FBLN7: variants seen among roughly 807,000 people sequenced by gnomAD.
FBLN7 encodes fibulin-7.
In FBLN7, 31 loss-of-function variants were observed where a neutral mutation model predicts 44.0. That is an observed-to-expected ratio of 0.70 (90% CI 0.53 to 0.95). The LOEUF (loss-of-function observed/expected upper bound fraction) is 0.95, where lower values mean the gene tolerates loss of function less well. FBLN7 is among the 40% of genes least tolerant of loss of function. The pLI is 0.00. For missense variants in FBLN7, 573 were observed against 618.5 expected, an observed-to-expected ratio of 0.93 and a Z score of 0.78; for synonymous variants, 262 against 253.4, an observed-to-expected ratio of 1.03 and a Z score of -0.32.
the FBLN7 span, among the ~76,000 whole-genome samples, chr2:112,236,089 C>A: frequency 1.3e-5 from 2 of 151,974 alleles, no homozygotes; most frequent in African/African-American, 4.8e-5. Context: ...CATGGCGAAA[C>A]CCTGTCTCTA....
At chr2:112,207,844 T>C in the FBLN7 span, among the ~76,000 whole-genome samples, 1 of 152,296 alleles carries the variant, frequency 6.6e-6, no homozygotes, top group Non-Finnish European at 1.5e-5. Flanking sequence ...TTTTGTTTAA[T>C]GTTTGCATGT....
chr2:112,160,681 C>T (rs1329571292), intron 2 of FBLN7, among the ~76,000 whole-genome samples: 2 of 144,132 alleles, frequency 1.4e-5, no homozygotes, highest in African/African-American at 5.3e-5. Flanking sequence ...CACACGCAGA[C>T]GCACGCACAC....
chr2:112,231,787 A>T, the FBLN7 span: 1 of 1,203,476 alleles, frequency 8.3e-7, no homozygotes, highest in Non-Finnish European at 1.2e-6. Context: ...CTTAGTTCAA[A>T]CATATTCCTT....
chr2:112,198,745 TC>T, the FBLN7 span, among the ~76,000 whole-genome samples: 2 of 152,150 alleles, frequency 1.3e-5, no homozygotes, highest in Non-Finnish European at 2.9e-5. Flanking sequence ...ATGAAACAGG[TC>T]CTCACCAGAC....
At chr2:112,234,234 A>G in the FBLN7 span, 3 of 1,588,984 alleles carry the variant, frequency 1.9e-6, no homozygotes, top group Non-Finnish European at 2.6e-6. Flanking sequence ...TAGGTTTACC[A>G]TCCTTTAAAA....
the FBLN7 span, among the ~76,000 whole-genome samples, chr2:112,200,640 T>A: frequency 6.6e-6 from 1 of 152,186 alleles, no homozygotes; most frequent in Non-Finnish European, 1.5e-5. Flanking sequence ...ATTCAAGCTA[T>A]TCTCCTGCCT....
intron 6 of FBLN7, among the ~76,000 whole-genome samples, chr2:112,184,280 G>T (rs552614401): frequency 2.0e-5 from 3 of 152,360 alleles, no homozygotes; most frequent in African/African-American, 7.2e-5. Context: ...AACGGGAGAA[G>T]AGAGGGCAGA....
At position 112,165,076 on chromosome 2, in the gene FBLN7, A is replaced by C. The variant is rs1317326316; in HGVS notation, c.311A>C (p.His104Pro). 6.2e-7 allele frequency: 1 copy of C among 1,614,084 alleles called. No individual in the cohort carries two copies. The highest frequency in any genetic ancestry group is 1.7e-5 in the Admixed American group (1 of 60,012). ...AAGTACTTAGTGGATCACGAAGTCC[A>C]TTTTACCTGCAACCCTGGGTTCCGG... is the stretch of plus-strand genomic sequence containing the variant. ...GSKYLVDHEV[H>P]FTCNPGFRLV... The change falls in exon 3 of 8, where the codon CAT becomes CCT. Residue 104 changes from histidine to proline, a missense_variant. Transcript: ENST00000331203.
the FBLN7 span, among the ~76,000 whole-genome samples, chr2:112,233,652 G>C: frequency 6.6e-6 from 1 of 152,090 alleles, no homozygotes; most frequent in Non-Finnish European, 1.5e-5. Flanking sequence ...CGGATCATGA[G>C]GTCAGGAGAT....
In FBLN7 at chr2:112,171,886, A is replaced by G. The variant is rs574375241; in HGVS notation, c.407-3828A>G. ...CTCAGCCTCCCGAGTAGCTGGGACT[A>G]CAGGTGCCCGCCACCATACCCGGCT... On this transcript the variant is annotated intron_variant, in intron 3 of 7. Transcript: ENST00000331203. Among the ~76,000 whole-genome samples the G allele has an allele frequency of 3.7e-3, 560 of 152,206 alleles. 1 individual carries two copies. The highest frequency in any genetic ancestry group is 0.017 in the Middle Eastern group (5 of 292).
intron 4 of FBLN7, among the ~76,000 whole-genome samples, chr2:112,178,998 G>C (rs187557475): frequency 6.6e-6 from 1 of 152,152 alleles, no homozygotes; most frequent in African/African-American, 2.4e-5. Flanking sequence ...AGCAACAGGC[G>C]AGAGAAAGAA....
downstream of FBLN7, chr2:112,190,005 T>A (rs760708556): frequency 6.6e-6 from 1 of 152,242 alleles, no homozygotes; most frequent in African/African-American, 2.4e-5. Flanking sequence ...AGCCTTTTTT[T>A]AATCTGTAGC....
intron 3 of FBLN7, among the ~76,000 whole-genome samples, chr2:112,175,507 T>C (rs928339858): frequency 2.0e-5 from 3 of 152,192 alleles, no homozygotes; most frequent in Non-Finnish European, 4.4e-5. Context: ...GCCTGCTGAA[T>C]GGAGATGCAA....
chr2:112,155,232 G>A (rs1353055606), intron 1 of FBLN7, among the ~76,000 whole-genome samples: 1 of 152,188 alleles, frequency 6.6e-6, no homozygotes, highest in East Asian at 1.9e-4. Flanking sequence ...TGGGTCTCAT[G>A]GGTGCATGTC....
the FBLN7 span, chr2:112,214,353 C>T: frequency 2.6e-5 from 4 of 152,068 alleles, no homozygotes; most frequent in Admixed American, 6.6e-5. Context: ...GCTTTAAAGA[C>T]GGTCAAGGAT....
chr2:112,191,678 T>A (rs1683496388), downstream of FBLN7, among the ~76,000 whole-genome samples: 1 of 152,212 alleles, frequency 6.6e-6, no homozygotes, highest in South Asian at 2.1e-4. Context: ...CCTCAGCATT[T>A]ATGCGATTAG....
chr2:112,165,459 G>T (rs1053039603), intron 3 of FBLN7, among the ~76,000 whole-genome samples: 1 of 152,184 alleles, frequency 6.6e-6, no homozygotes, highest in South Asian at 2.1e-4. Context: ...ACACAGCTAG[G>T]GGGTGGGCGG....
chr2:112,141,075 C>T (rs539717444), intron 1 of FBLN7, among the ~76,000 whole-genome samples: 14 of 152,332 alleles, frequency 9.2e-5, no homozygotes, highest in African/African-American at 3.1e-4. Context: ...GGGGCCCGGC[C>T]ATGGACTGCC....
intron 1 of FBLN7, among the ~76,000 whole-genome samples, chr2:112,159,202 T>C (rs940952469): frequency 6.6e-6 from 1 of 151,946 alleles, no homozygotes; most frequent in African/African-American, 2.4e-5. Context: ...TTTTTTTTTT[T>C]CTTATTTCCC....
Sources: allele counts gnomAD v4.1 joint callset (sites outside exome capture counted in the v4.1 genomes callset), GRCh38; gene constraint gnomAD v4.1.1; transcripts MANE v1.5; gene names NCBI Gene and HGNC (gene_info 2026-07-23, HGNC 2026-07-21).